The following ZRANB2 variants were observed in gnomAD, a reference collection of about 807,000 sequenced individuals.
The protein encoded by ZRANB2 is zinc finger RANBP2-type containing 2.
ZRANB2 carries 19 observed loss-of-function variants against 53.4 expected under a neutral mutation model. The ratio of observed to expected loss-of-function variants is 0.36; its 90% confidence interval spans 0.25 to 0.52. ZRANB2 has a LOEUF of 0.52. ZRANB2 is among the 20% of genes least tolerant of loss of function. The pLI, the probability that ZRANB2 is intolerant of heterozygous loss-of-function variation, is 0.93. For synonymous variants in ZRANB2, 145 were observed against 134.8 expected (o/e 1.08, Z -0.52); for missense variants, 309 against 401.1 (o/e 0.77, Z 1.96).
intron 5 of ZRANB2, 44 bp downstream of exon 5, chr1:71,072,428 T>C (rs1241020157): frequency 4.5e-6 from 7 of 1,544,998 alleles, no homozygotes; most frequent in Non-Finnish European, 4.4e-6. Context: ...ATTTTTTCTG[T>C]TTTTCTAATT....
In ZRANB2 at chr1:71,064,544, G is replaced by T. The variant is rs1661378180; in HGVS notation, c.*530C>A. 6.6e-6 allele frequency: 1 copy of T among 152,452 alleles called. No homozygotes were observed. Among genetic ancestry groups the T allele is most frequent in the Non-Finnish European group, 1.5e-5 (1 of 67,926 alleles). 9.4% of individuals were successfully genotyped at this position (152,452 alleles called of 1,614,324 possible). A position where few individuals can be genotyped will look rare whatever the true frequency, so the allele number is the denominator to read the frequency against. On this transcript the variant is annotated 3_prime_UTR_variant, in exon 10 of 10. Coordinates refer to ENST00000370920, the MANE Select transcript of ZRANB2 (RefSeq NM_203350.3). ...ATAAAAGAGACACAATGATTCTAAG[G>T]CACCCTTAGCATAGGGAATTTCAAA... is the stretch of plus-strand genomic sequence containing the variant.
intron 1 of ZRANB2, 137 bp downstream of exon 1, chr1:71,080,803 C>G: frequency 1.0e-6 from 1 of 979,786 alleles, no homozygotes; most frequent in Non-Finnish European, 1.6e-6. Context: ...AGCCTTCTTC[C>G]CGCCAGGGAA....
At chr1:71,065,499 C>A (rs1661404783) in intron 9 of ZRANB2, among the ~76,000 whole-genome samples, 1 of 151,814 alleles carries the variant, frequency 6.6e-6, no homozygotes, top group East Asian at 1.9e-4. Flanking sequence ...TAAACCAATC[C>A]CTGTGACACG....
rs767164175 is a variant in ZRANB2 at position 71,065,066 on chromosome 1, T to G, written c.*8A>C. On this transcript the variant is annotated 3_prime_UTR_variant, in exon 10 of 10. Coordinates refer to ENST00000370920, the MANE Select transcript of ZRANB2 (RefSeq NM_203350.3). ...ACTGGATTTTTTTAAGATGTAAATT[T>G]TAATACATTATTTCTTTTTTGAACT... The G allele has an allele frequency of 8.1e-6, 13 of 1,599,340 alleles. No homozygotes were observed. The highest frequency in any genetic ancestry group is 1.1e-5 in the Non-Finnish European group (13 of 1,169,222).
chr1:71,077,499 C>T (rs189935353), intron 3 of ZRANB2, among the ~76,000 whole-genome samples: 2 of 152,200 alleles, frequency 1.3e-5, no homozygotes, highest in Non-Finnish European at 2.9e-5. Context: ...GTGACCAAAT[C>T]TGTAGCTGGA....
At chr1:71,071,855 C>T (rs955464842) in intron 6 of ZRANB2, among the ~76,000 whole-genome samples, 1 of 152,114 alleles carries the variant, frequency 6.6e-6, no homozygotes, top group Non-Finnish European at 1.5e-5. Flanking sequence ...CATAACGTTA[C>T]TGCTATCAAA....
rs770182383 is a variant in ZRANB2 at position 71,072,244 on chromosome 1, T to C, written c.390A>G (p.Lys130=). 4 of 1,609,546 alleles carry C rather than the reference T, an allele frequency of 2.5e-6. No individual in the cohort carries two copies. Among genetic ancestry groups the C allele is most frequent in the South Asian group, 1.1e-5 (1 of 89,636 alleles). ...SDGEYDEFGR[K]KKKYRGKAVG... is the part of the protein sequence containing the mutation. ...CTGCTTTCCCTCTGTATTTTTTCTTTTTACGTCCAAACTAGAGAAAAACAA... is the reference window on the plus strand; with the variant it reads ...CTGCTTTCCCTCTGTATTTTTTCTTCTTACGTCCAAACTAGAGAAAAACAA... The change falls in exon 6 of 10, where the codon AAA becomes AAG. Residue 130 remains lysine (K), a synonymous_variant. Transcript: ENST00000370920.
chr1:71,065,021 A>G lies in ZRANB2; in HGVS notation c.*53T>C. 2.2e-6 allele frequency: 3 copies of G among 1,369,352 alleles called. No homozygotes were observed. The South Asian group carries it at 3.8e-5, about 17-fold the overall frequency. 84.8% of individuals were successfully genotyped at this position (1,369,352 alleles called of 1,614,324 possible). ...CCAAGTAAGACACCAACTTCTTTAA[A>G]AATATGCTTCATGCACTGTACTGGA... On this transcript the variant is annotated 3_prime_UTR_variant, in exon 10 of 10. Transcript: ENST00000370920.
intron 1 of ZRANB2, among the ~76,000 whole-genome samples, chr1:71,080,125 A>ACT (rs1218728657): frequency 6.6e-6 from 1 of 152,226 alleles, no homozygotes; most frequent in Non-Finnish European, 1.5e-5. Flanking sequence ...GGTACAACAA[A>ACT]TAAAAGGCTT....
At chr1:71,071,727 G>A (rs1450979707) in intron 6 of ZRANB2, among the ~76,000 whole-genome samples, 7 of 152,016 alleles carry the variant, frequency 4.6e-5, no homozygotes, top group South Asian at 2.1e-4. Flanking sequence ...CTCTCACCTC[G>A]GCTCTTATTG....
chr1:71,066,521 T>A, intron 9 of ZRANB2: 1 of 321,676 alleles, frequency 3.1e-6, no homozygotes, highest in Non-Finnish European at 5.6e-6. Context: ...TAACCGAGAG[T>A]TGGCTATAAA....
rs1197199127 is a variant in ZRANB2 at position 71,064,783 on chromosome 1, A to C, written c.*291T>G. 4.5e-6 allele frequency: 1 copy of C among 224,134 alleles called. No individual in the cohort carries two copies. The highest frequency in any genetic ancestry group is 2.3e-5 in the African/African-American group (1 of 43,778). 13.9% of individuals were successfully genotyped at this position (224,134 alleles called of 1,614,324 possible). On this transcript the variant is annotated 3_prime_UTR_variant, in exon 10 of 10. Coordinates refer to ENST00000370920, the MANE Select transcript of ZRANB2 (RefSeq NM_203350.3). ...ACAGGATGTATTTGGAAATGACAAAAATGGGTTTAAATTAGGAAGCAAAGT... is the reference window on the plus strand; with the variant it reads ...ACAGGATGTATTTGGAAATGACAAACATGGGTTTAAATTAGGAAGCAAAGT...
chr1:71,076,691 G>C, intron 4 of ZRANB2, 104 bp downstream of exon 4: 1 of 852,414 alleles, frequency 1.2e-6, no homozygotes, highest in Non-Finnish European at 1.9e-6. Flanking sequence ...AGAATAAACA[G>C]AATCCTCACT....
chr1:71,065,745 T>C, intron 9 of ZRANB2: 3 of 1,612,632 alleles, frequency 1.9e-6, no homozygotes, highest in Non-Finnish European at 1.7e-6. Flanking sequence ...TTTTCACCAA[T>C]CACCTGGCTT....
intron 4 of ZRANB2, among the ~76,000 whole-genome samples, 200 bp from the exon 5 acceptor site, chr1:71,072,748 T>C (rs763668856): frequency 6.6e-6 from 1 of 152,136 alleles, no homozygotes; most frequent in African/African-American, 2.4e-5. Flanking sequence ...CATATGGCTG[T>C]ACTTCTAGCT....
chr1:71,071,037 T>C (rs867795483), intron 6 of ZRANB2, 41 bp from the exon 7 acceptor site: 4 of 1,472,038 alleles, frequency 2.7e-6, no homozygotes, highest in Admixed American at 2.2e-5. Flanking sequence ...TAGATATTAG[T>C]GTTACCTACC....
intron 7 of ZRANB2, 149 bp from the exon 8 acceptor site, chr1:71,069,511 AATTAG>A (rs1661548739): frequency 2.1e-5 from 10 of 472,484 alleles, no homozygotes; most frequent in Admixed American, 1.6e-4. Flanking sequence ...TAGTATTTTA[AATTAG>A]ATAAGATTTA....
chr1:71,067,851 T>A (rs536113931), intron 8 of ZRANB2: 2 of 310,154 alleles, frequency 6.4e-6, no homozygotes, highest in Non-Finnish European at 1.3e-5. Context: ...ATGGTAACAA[T>A]AAAAAATAAT....
chr1:71,076,740 T>G, intron 4 of ZRANB2, 55 bp downstream of exon 4: 1 of 1,304,676 alleles, frequency 7.7e-7, no homozygotes, highest in Non-Finnish European at 1.1e-6. Flanking sequence ...AATTATCGTT[T>G]CAATATTTAG....
Sources: allele counts gnomAD v4.1 joint callset (sites outside exome capture counted in the v4.1 genomes callset), GRCh38; gene constraint gnomAD v4.1.1; transcripts MANE v1.5; gene names NCBI Gene and HGNC (gene_info 2026-07-23, HGNC 2026-07-21).